The following EPHA5 variants were observed in gnomAD, a reference collection of about 807,000 sequenced individuals.
EPHA5 encodes ephrin type-A receptor 5.
Under a neutral mutation model 105.0 loss-of-function variants are expected in EPHA5, and 60 were observed. That is an observed-to-expected ratio of 0.57 (90% confidence interval 0.46 to 0.71). EPHA5 has a LOEUF of 0.71. Among genes scored for constraint, EPHA5 ranks in the 30% least tolerant of loss-of-function variants. EPHA5 has a pLI of 0.00. For missense variants in EPHA5, 1,218 were observed against 1,274.7 expected, an observed-to-expected ratio of 0.96 and a Z score of 0.68; for synonymous variants, 513 against 449.1, an observed-to-expected ratio of 1.14 and a Z score of -1.80.
At chr4:65,384,972 C>T (rs1390794543) in intron 8 of EPHA5, among the ~76,000 whole-genome samples, 1 of 151,624 alleles carries the variant, frequency 6.6e-6, no homozygotes, top group Admixed American at 6.6e-5. Flanking sequence ...TGAAACACGT[C>T]TGTCTCGGGG....
chr4:65,424,405 G>A (rs1208979917), intron 5 of EPHA5, among the ~76,000 whole-genome samples: 1 of 152,072 alleles, frequency 6.6e-6, no homozygotes, highest in Non-Finnish European at 1.5e-5. Context: ...ACATTTCTAT[G>A]TAATTCTGTT....
intron 16 of EPHA5, chr4:65,331,481 C>A (rs1280647758): frequency 2.9e-6 from 3 of 1,050,404 alleles, no homozygotes; most frequent in Admixed American, 5.5e-5. Flanking sequence ...ATGTAAGGTG[C>A]ACCATTTAGA....
At chr4:65,511,181 T>C (rs984908230) in intron 3 of EPHA5, among the ~76,000 whole-genome samples, 1 of 152,180 alleles carries the variant, frequency 6.6e-6, no homozygotes, top group African/African-American at 2.4e-5. Context: ...CCTGTGGTTA[T>C]GGCAACCCAA....
Position 65,636,008 on chromosome 4 carries a change from TAGTGTATTTCTATGA to T in EPHA5, c.246+7340_246+7354del, listed in dbSNP as rs1156595181. On this transcript the variant is annotated intron_variant, in intron 2 of 16. Coordinates refer to ENST00000613740, the MANE Select transcript of EPHA5 (RefSeq NM_001281766.3). ...AGTAATTTGATCAGAAAACTGAGAT[TAGTGTATTTCTATGA>T]AGTTTTAAAATTGATTCTAAATGCT... Among the ~76,000 whole-genome samples, 7 of 152,166 alleles carry T rather than the reference TAGTGTATTTCTATGA, an allele frequency of 4.6e-5. No individual in the cohort carries two copies. In the East Asian group the frequency reaches 1.4e-3, roughly 29 times the overall value.
chr4:65,545,689 T>C (rs1006204464), intron 3 of EPHA5, among the ~76,000 whole-genome samples: 2 of 151,918 alleles, frequency 1.3e-5, no homozygotes, highest in African/African-American at 4.8e-5. Flanking sequence ...ATTTTGAACA[T>C]TAGGTGATAT....
In EPHA5 at chr4:65,531,009, T is replaced by A. The variant is rs539294458; in HGVS notation, c.911-35466A>T. Among the ~76,000 whole-genome samples, 476 of 131,476 alleles carry A rather than the reference T, an allele frequency of 3.6e-3. 2 individuals carry two copies. The highest frequency in any genetic ancestry group is 0.013 in the African/African-American group (430 of 34,012). The allele number at this position is 131,476 out of a possible 152,430, so 86.3% of individuals were successfully genotyped here. A position where few individuals can be genotyped will look rare whatever the true frequency, so the allele number is the denominator to read the frequency against. ...TTAGCTGGATGGATTTTTTTTTATT[T>A]TTTTTATTTTTTTTATTTTTTTTAT... On this transcript the variant is annotated intron_variant, in intron 3 of 16. Coordinates refer to ENST00000613740, the MANE Select transcript of EPHA5 (RefSeq NM_001281766.3).
Position 65,468,603 on chromosome 4 carries a change from TTATA to T in EPHA5, c.1402+21770_1402+21773del, listed in dbSNP as rs66730052. Among the ~76,000 whole-genome samples, 5 of 122,644 alleles carry T rather than the reference TTATA, an allele frequency of 4.1e-5. 1 individual carries two copies. In the East Asian group the frequency reaches 6.3e-4, roughly 16 times the overall value. 80.5% of individuals were successfully genotyped at this position (122,644 alleles called of 152,430 possible). A position where few individuals can be genotyped will look rare whatever the true frequency, so the allele number is the denominator to read the frequency against. On this transcript the variant is annotated intron_variant, in intron 5 of 16. Transcript: ENST00000613740. Reference sequence around the variant, plus strand: ...ATGTAAAATATATATAATATATATATTATATATATTATATATATATGTAAAATAT... The same window carrying T: ...ATGTAAAATATATATAATATATATATTATATTATATATATATGTAAAATAT...
intron 5 of EPHA5, among the ~76,000 whole-genome samples, chr4:65,461,588 A>G (rs752684323): frequency 2.8e-4 from 43 of 152,058 alleles, no homozygotes; most frequent in Non-Finnish European, 3.1e-4. Context: ...ACATATCACA[A>G]AAGAGCAGAT....
At chr4:65,621,806 T>C (rs753377833) in intron 2 of EPHA5, among the ~76,000 whole-genome samples, 1 of 152,100 alleles carries the variant, frequency 6.6e-6, no homozygotes, top group Non-Finnish European at 1.5e-5. Context: ...CCTGGGAATA[T>C]TCTGGGTGTC....
At chr4:65,421,780 T>C (rs914428136) in intron 5 of EPHA5, among the ~76,000 whole-genome samples, 6 of 152,264 alleles carry the variant, frequency 3.9e-5, no homozygotes, top group Admixed American at 2.0e-4. Flanking sequence ...ATTTCTAAGA[T>C]GAGAAAATTG....
At chr4:65,536,789 G>A (rs949435298) in intron 3 of EPHA5, among the ~76,000 whole-genome samples, 2 of 151,358 alleles carry the variant, frequency 1.3e-5, no homozygotes, top group Non-Finnish European at 3.0e-5. Flanking sequence ...GTTAGGTTTG[G>A]GAAGAATAAA....
rs143749358 is a variant in EPHA5, at chr4:65,421,690, A to G, written c.1403-1125T>C. On this transcript the variant is annotated intron_variant, in intron 5 of 16. Transcript: ENST00000613740. ...TTTTACCTAATGAATTGGTGGTATT[A>G]CCACCTTGCTATTCATAAATTATAT... Among the ~76,000 whole-genome samples, 515 of 152,228 alleles carry G rather than the reference A, an allele frequency of 3.4e-3. 6 individuals carry two copies. The highest frequency in any genetic ancestry group is 0.012 in the African/African-American group (501 of 41,568).
At chr4:65,412,213 G>A (rs2149012241) in intron 7 of EPHA5, among the ~76,000 whole-genome samples, 1 of 152,282 alleles carries the variant, frequency 6.6e-6, no homozygotes, top group Middle Eastern at 3.4e-3. Context: ...GGGCCATAGA[G>A]TGAGACTCTC....
In EPHA5 at chr4:65,447,441, G is replaced by A. The variant is rs553388280; in HGVS notation, c.1403-26876C>T. On this transcript the variant is annotated intron_variant, in intron 5 of 16. Coordinates refer to ENST00000613740, the MANE Select transcript of EPHA5 (RefSeq NM_001281766.3). ...AGGATTTGGGGCCAGATAACTATGA[G>A]AAATAGTCTGTCATATATTAGAAAC... Among the ~76,000 whole-genome samples the A allele has an allele frequency of 2.0e-5, 3 of 150,946 alleles. No homozygotes were observed. In the South Asian group the frequency reaches 6.3e-4, roughly 32 times the overall value.
chr4:65,485,583 T>C (rs1193314080), intron 5 of EPHA5, among the ~76,000 whole-genome samples: 3 of 152,182 alleles, frequency 2.0e-5, no homozygotes, highest in African/African-American at 4.8e-5. Context: ...TTTTGGAAAA[T>C]GTCTAAATAC....
chr4:65,485,037 A>G (rs532230972), intron 5 of EPHA5, among the ~76,000 whole-genome samples: 2 of 151,924 alleles, frequency 1.3e-5, no homozygotes, highest in South Asian at 2.1e-4. Flanking sequence ...AATGTATTAT[A>G]TATGAAATAC....
At chr4:65,658,537 C>T (rs1749264752) in intron 1 of EPHA5, among the ~76,000 whole-genome samples, 1 of 152,034 alleles carries the variant, frequency 6.6e-6, no homozygotes, top group African/African-American at 2.4e-5. Context: ...AGAGTGCCAA[C>T]CCACACTGTT....
At chr4:65,333,539 CTGTGTGTGTGTGTGTGTGTGTG>C (rs56925203) in intron 15 of EPHA5, among the ~76,000 whole-genome samples, 6 of 111,880 alleles carry the variant, frequency 5.4e-5, no homozygotes, top group African/African-American at 8.2e-5. Context: ...GAGTGTGTGT[CTGTGTGTGTGTGTGTGTGTGTG>C]TGTGTGTGTG....
chr4:65,322,791 A>G lies in EPHA5; in HGVS notation c.*1323T>C, dbSNP rs1719741190. 3 of 228,146 alleles carry G rather than the reference A, an allele frequency of 1.3e-5. No individual in the cohort carries two copies. The allele number at this position is 228,146 out of a possible 1,614,324, so 14.1% of individuals were successfully genotyped here. A position where few individuals can be genotyped will look rare whatever the true frequency, so the allele number is the denominator to read the frequency against. On this transcript the variant is annotated 3_prime_UTR_variant, in exon 17 of 17. Coordinates refer to ENST00000613740, the MANE Select transcript of EPHA5 (RefSeq NM_001281766.3). ...AAAAATAAAACTTATCAATTATTGA[A>G]ATAAAATTCTGAAGGGAAATAAGCA... is the stretch of plus-strand genomic sequence containing the variant.
Sources: gnomAD v4.1 joint callset for allele counts (sites outside exome capture counted in the v4.1 genomes callset) on GRCh38, gnomAD v4.1.1 for gene constraint, MANE v1.5 for transcripts, NCBI Gene and HGNC (gene_info 2026-07-23, HGNC 2026-07-21) for gene names.